PLEKHA7: variants seen among roughly 807,000 people sequenced by gnomAD.
PLEKHA7 encodes the protein pleckstrin homology domain containing A7.
Under a neutral mutation model 170.0 loss-of-function variants are expected in PLEKHA7, and 104 were observed. That is an observed-to-expected ratio of 0.61 (90% CI 0.52 to 0.72). PLEKHA7 has a LOEUF of 0.72. Ranked by LOEUF, PLEKHA7 falls within the 30% of genes least tolerant of loss-of-function variation. The probability of loss-of-function intolerance (pLI) is 0.00; values close to 1 mark genes in which losing one functional copy is unlikely to be tolerated. For missense variants in PLEKHA7, 1,615 were observed against 1,671.7 expected (o/e 0.97, Z 0.59); for synonymous variants, 648 against 660.8 (o/e 0.98, Z 0.30).
chr11:16,918,251 A>G (rs1858836454), intron 3 of PLEKHA7, among the ~76,000 whole-genome samples: 1 of 152,208 alleles, frequency 6.6e-6, no homozygotes, highest in African/African-American at 2.4e-5. Flanking sequence ...CATTCTTTAA[A>G]ATTCTATCAA....
chr11:16,954,015 C>T (rs1400945904), intron 3 of PLEKHA7, among the ~76,000 whole-genome samples: 1 of 152,050 alleles, frequency 6.6e-6, no homozygotes, highest in Non-Finnish European at 1.5e-5. Flanking sequence ...CAGGAAGCTA[C>T]AATTAGTTGG....
chr11:16,853,597 G>C (rs533128989), intron 6 of PLEKHA7, among the ~76,000 whole-genome samples: 3 of 152,184 alleles, frequency 2.0e-5, no homozygotes, highest in Non-Finnish European at 4.4e-5. Context: ...CTAGGTGCTG[G>C]GAATTATTTA....
At chr11:17,007,382 G>T (rs58949815) in intron 3 of PLEKHA7, among the ~76,000 whole-genome samples, 117 of 152,162 alleles carry the variant, frequency 7.7e-4, no homozygotes, top group African/African-American at 2.3e-3. Flanking sequence ...GAGTGCAATG[G>T]TGCAATCTTG....
At chr11:16,934,510 G>A (rs987727236) in intron 3 of PLEKHA7, among the ~76,000 whole-genome samples, 10 of 152,234 alleles carry the variant, frequency 6.6e-5, no homozygotes, top group South Asian at 4.2e-4. Context: ...CTTCCAAGTC[G>A]CTTTTTAAAA....
chr11:16,892,804 G>A (rs2135957218), intron 3 of PLEKHA7, among the ~76,000 whole-genome samples: 1 of 152,052 alleles, frequency 6.6e-6, no homozygotes, highest in Non-Finnish European at 1.5e-5. Context: ...CAATATCTAT[G>A]TTGAACTTTG....
At chr11:16,912,902 G>A (rs981086338) in intron 3 of PLEKHA7, among the ~76,000 whole-genome samples, 2 of 152,220 alleles carry the variant, frequency 1.3e-5, no homozygotes. Context: ...GCCTAAGTGA[G>A]GGGACACAAG....
intron 3 of PLEKHA7, among the ~76,000 whole-genome samples, chr11:17,003,295 G>A (rs1265101365): frequency 6.6e-6 from 1 of 152,160 alleles, no homozygotes; most frequent in African/African-American, 2.4e-5. Flanking sequence ...CCAGCCCAAG[G>A]TTGTGCAGTT....
intron 3 of PLEKHA7, among the ~76,000 whole-genome samples, chr11:16,877,171 T>TC (rs1354415745): frequency 6.6e-6 from 1 of 152,294 alleles, no homozygotes; most frequent in East Asian, 1.9e-4. Flanking sequence ...TCAATGTGGC[T>TC]CCCAGAACAC....
intron 3 of PLEKHA7, among the ~76,000 whole-genome samples, chr11:17,007,489 T>C (rs979792717): frequency 2.0e-5 from 3 of 151,390 alleles, no homozygotes; most frequent in Admixed American, 6.6e-5. Flanking sequence ...TGCCCATAAA[T>C]AGCAATTTTA....
chr11:16,994,049 G>A (rs781272500), intron 3 of PLEKHA7, among the ~76,000 whole-genome samples: 1 of 152,192 alleles, frequency 6.6e-6, no homozygotes, highest in Non-Finnish European at 1.5e-5. Flanking sequence ...TTCAACTGGG[G>A]ACGATACACA....
intron 3 of PLEKHA7, among the ~76,000 whole-genome samples, chr11:16,962,755 C>T (rs1590731187): frequency 6.6e-6 from 1 of 152,204 alleles, no homozygotes. Flanking sequence ...GCCACTGCAC[C>T]TGGCCCACAA....
chr11:16,947,718 C>A (rs1383205416), intron 3 of PLEKHA7, among the ~76,000 whole-genome samples: 2 of 151,750 alleles, frequency 1.3e-5, no homozygotes, highest in African/African-American at 4.8e-5. Flanking sequence ...GAGTTCAAGA[C>A]CACCCTGGGC....
chr11:16,907,561 C>CG (rs1481614636), intron 3 of PLEKHA7, among the ~76,000 whole-genome samples: 2 of 75,244 alleles, frequency 2.7e-5, no homozygotes, highest in Admixed American at 1.2e-4. Context: ...GGGAGGGAGG[C>CG]GGGGGGGTCA....
At chr11:17,012,426 A>G (rs1865373753) in intron 3 of PLEKHA7, among the ~76,000 whole-genome samples, 1 of 152,086 alleles carries the variant, frequency 6.6e-6, no homozygotes, top group Non-Finnish European at 1.5e-5. Context: ...TGCTTTGCCA[A>G]CTCATCATCA....
intron 10 of PLEKHA7, among the ~76,000 whole-genome samples, chr11:16,819,556 A>C (rs1850052067): frequency 6.6e-6 from 1 of 152,228 alleles, no homozygotes. Context: ...TATCAATTTT[A>C]TCTAACATTT....
At chr11:16,994,772 G>T (rs1864244931) in intron 3 of PLEKHA7, among the ~76,000 whole-genome samples, 1 of 152,040 alleles carries the variant, frequency 6.6e-6, no homozygotes, top group Admixed American at 6.6e-5. Context: ...TCCAGCTCGG[G>T]CTCTCCAACC....
chr11:16,929,601 T>C (rs1479977945), intron 3 of PLEKHA7, among the ~76,000 whole-genome samples: 3 of 152,232 alleles, frequency 2.0e-5, no homozygotes, highest in Non-Finnish European at 2.9e-5. Flanking sequence ...CCCCCGCTTC[T>C]TGGTAAATAG....
chr11:16,791,776 G>A lies in PLEKHA7; in HGVS notation c.2746-577C>T, dbSNP rs1212382095. On this transcript the variant is annotated intron_variant, in intron 19 of 26. Coordinates refer to ENST00000531066, the MANE Select transcript of PLEKHA7 (RefSeq NM_001329630.2). The surrounding 1 kb of genome is among the most constrained non-coding windows in gnomAD (Gnocchi z 4.5). ...CCTTCCTGACTCAGACAGAACAGGC[G>A]GTCAGGATGAGTGACTCACTGCCTA... The A allele has an allele frequency of 3.1e-5, 13 of 424,690 alleles. No homozygotes were observed. In the East Asian group the frequency reaches 4.2e-4, roughly 14 times the overall value. 26.3% of individuals were successfully genotyped at this position (424,690 alleles called of 1,614,324 possible). A position where few individuals can be genotyped will look rare whatever the true frequency, so the allele number is the denominator to read the frequency against.
chr11:16,932,291 T>TC (rs1859994312), intron 3 of PLEKHA7, among the ~76,000 whole-genome samples: 1 of 151,424 alleles, frequency 6.6e-6, no homozygotes, highest in Admixed American at 6.6e-5. Flanking sequence ...TTTTTTTTTT[T>TC]TTCTGAGACA....
Sources: allele counts gnomAD v4.1 joint callset (sites outside exome capture counted in the v4.1 genomes callset), GRCh38; gene constraint gnomAD v4.1.1; non-coding constraint Gnocchi (gnomAD v3.1); transcripts MANE v1.5; gene names NCBI Gene and HGNC (gene_info 2026-07-23, HGNC 2026-07-21).